Variants in ITGB3 observed in about 807,000 individuals in gnomAD.
The protein encoded by ITGB3 is integrin beta-3.
A neutral mutation model predicts 85.8 loss-of-function variants in ITGB3; 48 were observed. The ratio of observed to expected loss-of-function variants is 0.56; its 90% CI spans 0.44 to 0.71. The LOEUF (loss-of-function observed/expected upper bound fraction) is 0.71, where lower values mean the gene tolerates loss of function less well. Among genes scored for constraint, ITGB3 ranks in the 30% least tolerant of loss-of-function variants. ITGB3 has a pLI of 0.00. For missense variants in ITGB3, 861 were observed against 1,019.1 expected (o/e 0.84, Z 2.11); for synonymous variants, 363 against 395.6 (o/e 0.92, Z 0.98).
Position 47,283,364 on chromosome 17 carries a change from T to C in ITGB3, c.176T>C (p.Leu59Pro), listed in dbSNP as rs5918. ...CAWCSDEALPLGSPRCDLKEN... is the reference protein window; with the variant it reads ...CAWCSDEALPPGSPRCDLKEN... ...GCTCCTGTCTTACAGGCCCTGCCTC[T>C]GGGCTCACCTCGCTGTGACCTGAAG... The change falls in exon 3 of 15, where the codon CTG becomes CCG. Residue 59 changes from leucine (L) to proline (P), a missense_variant. Leu to Pro is a moderately conservative substitution (Grantham distance 98). Transcript: ENST00000559488. The C allele has an allele frequency of 0.14, 225,503 of 1,613,936 alleles. 16,971 individuals carry two copies. Among genetic ancestry groups the C allele is most frequent in the Non-Finnish European group, 0.15 (180,378 of 1,179,836 alleles).
At chr17:47,255,167 C>A (rs900334885) in intron 1 of ITGB3, among the ~76,000 whole-genome samples, 2 of 151,306 alleles carry the variant, frequency 1.3e-5, no homozygotes, top group Non-Finnish European at 1.5e-5. Flanking sequence ...TTAGTAGAGA[C>A]GCGGTTTCAC....
chr17:47,307,778 C>T (rs2065194865), intron 14 of ITGB3, 141 bp downstream of exon 14: 2 of 810,552 alleles, frequency 2.5e-6, no homozygotes, highest in South Asian at 2.9e-5. Context: ...GAGAGATGGT[C>T]TCACTATCCC....
chr17:47,300,023 C>T (rs2065160303), intron 11 of ITGB3, among the ~76,000 whole-genome samples: 1 of 152,142 alleles, frequency 6.6e-6, no homozygotes, highest in South Asian at 2.1e-4. Context: ...TGTATAGGGC[C>T]CTGTGCCTAC....
At chr17:47,290,928 G>A in intron 8 of ITGB3, 26 bp from the exon 9 acceptor site, 1 of 1,613,802 alleles carries the variant, frequency 6.2e-7, no homozygotes, top group Non-Finnish European at 8.5e-7. Flanking sequence ...TCAATTTCTT[G>A]TCTTCTTGTG....
chr17:47,263,045 A>G (rs2065013818), intron 1 of ITGB3, among the ~76,000 whole-genome samples: 1 of 152,184 alleles, frequency 6.6e-6, no homozygotes, highest in Non-Finnish European at 1.5e-5. Flanking sequence ...TCAAAGAGGC[A>G]CTGGGCCTTG....
Position 47,253,925 on chromosome 17 carries a change from G to A in ITGB3, c.64G>A (p.Gly22Ser). Residue 22 changes from glycine to serine, a missense_variant, in exon 1 of 15, where the codon GGC (glycine) becomes AGC (serine). Gly to Ser is a moderately conservative substitution (Grantham distance 56, BLOSUM62 0). Transcript: ENST00000559488. ...TGTGCTGGCGCTGGGGGCGCTGGCG[G>A]GCGTTGGCGTAGGAGGTGAGTGAGG... The part of the protein sequence containing the change: ...ATVLALGALA[G>S]VGVGGPNICT... The A allele has an allele frequency of 7.1e-7, 1 of 1,416,724 alleles. No individual in the cohort carries two copies. The highest frequency in any genetic ancestry group is 9.3e-7 in the Non-Finnish European group (1 of 1,079,406). 87.8% of individuals were successfully genotyped at this position (1,416,724 alleles called of 1,614,324 possible).
intron 9 of ITGB3, chr17:47,291,428 GTAAT>G: frequency 1.9e-6 from 1 of 523,934 alleles, no homozygotes; most frequent in East Asian, 3.1e-5. Context: ...CCTTTCCAAG[GTAAT>G]TAATACCTTT....
chr17:47,285,751 G>T (rs1324219849), intron 4 of ITGB3, among the ~76,000 whole-genome samples: 7 of 152,220 alleles, frequency 4.6e-5, no homozygotes, highest in Admixed American at 3.9e-4. Flanking sequence ...CTCCTGTCTT[G>T]CATGATCTAT....
At position 47,313,508 on chromosome 17, in the gene ITGB3, G is replaced by C. The variant is rs536468555; in HGVS notation, c.*3304G>C. 6.6e-6 allele frequency among the ~76,000 whole-genome samples: 1 copy of C among 151,546 alleles called. No homozygotes were observed. Among genetic ancestry groups the C allele is most frequent in the Non-Finnish European group, 1.5e-5 (1 of 67,910 alleles). On this transcript the variant is annotated 3_prime_UTR_variant, in exon 15 of 15. Transcript: ENST00000559488. ...ATTACAGGCACCTGCCACCACGCCC[G>C]GCTAATTTCTTTTTGTATTTTTAGT... is the stretch of plus-strand genomic sequence containing the variant.
At chr17:47,277,588 T>TA (rs2065068472) in intron 2 of ITGB3, among the ~76,000 whole-genome samples, 1 of 152,320 alleles carries the variant, frequency 6.6e-6, no homozygotes, top group Admixed American at 6.5e-5. Flanking sequence ...ATCCTGTCTC[T>TA]AAAAAATAAA....
At chr17:47,280,273 G>A (rs1456202524) in intron 2 of ITGB3, among the ~76,000 whole-genome samples, 2 of 152,216 alleles carry the variant, frequency 1.3e-5, no homozygotes, top group Admixed American at 6.5e-5. Flanking sequence ...CGTGGGGAAG[G>A]CTTCAGCCCA....
At chr17:47,265,007 G>A (rs1158404611) in intron 1 of ITGB3, among the ~76,000 whole-genome samples, 1 of 152,184 alleles carries the variant, frequency 6.6e-6, no homozygotes, top group East Asian at 1.9e-4. Flanking sequence ...TTATCAGTGT[G>A]TCTCCAGTGC....
chr17:47,256,715 C>T (rs6504799), intron 1 of ITGB3, among the ~76,000 whole-genome samples: 150,815 of 152,278 alleles, frequency 0.99, 74,692 homozygotes, highest in Middle Eastern at 1. Context: ...TCAAGTTTTT[C>T]ATTTTATGTA....
intron 12 of ITGB3, among the ~76,000 whole-genome samples, chr17:47,301,317 A>G (rs574584544): frequency 6.6e-6 from 1 of 152,264 alleles, no homozygotes; most frequent in East Asian, 1.9e-4. Context: ...ATAGATAGCA[A>G]TCTCCCATGA....
intron 10 of ITGB3, among the ~76,000 whole-genome samples, chr17:47,293,615 CTT>C (rs200767914): frequency 1.4e-5 from 2 of 144,844 alleles, no homozygotes. Flanking sequence ...CATTGGGGTT[CTT>C]TTTTTTTTTT....
rs1206054247 is a variant in ITGB3, at chr17:47,291,038, G to A, written c.1210G>A (p.Glu404Lys). Residue 404 changes from glutamate (E) to lysine (K), a missense_variant, in exon 9 of 15, where the codon GAG (glutamate) becomes AAG (lysine). Glu to Lys is a moderately conservative substitution (Grantham distance 56). Coordinates refer to ENST00000559488, the MANE Select transcript of ITGB3 (RefSeq NM_000212.3). ...CTTCAATGCCACCTGCCTCAACAAT[G>A]AGGTCATCCCTGGCCTCAAGTCTTG... The part of the protein sequence containing the change: ...LSFNATCLNN[E>K]VIPGLKSCMG... The A allele has an allele frequency of 3.7e-6, 6 of 1,614,064 alleles. No homozygotes were observed. Among genetic ancestry groups the A allele is most frequent in the Non-Finnish European group, 5.1e-6 (6 of 1,180,044 alleles).
At chr17:47,259,897 C>A (rs2065003254) in intron 1 of ITGB3, among the ~76,000 whole-genome samples, 1 of 152,142 alleles carries the variant, frequency 6.6e-6, no homozygotes, top group Non-Finnish European at 1.5e-5. Context: ...AAAACTCTGT[C>A]TCAAAAAACA....
intron 2 of ITGB3, among the ~76,000 whole-genome samples, chr17:47,281,702 C>T (rs2065084436): frequency 6.6e-6 from 1 of 152,136 alleles, no homozygotes; most frequent in Non-Finnish European, 1.5e-5. Flanking sequence ...GTGCCTGGCC[C>T]ATGTTCCCAA....
At chr17:47,280,288 AG>A (rs1431605120) in intron 2 of ITGB3, among the ~76,000 whole-genome samples, 1 of 152,154 alleles carries the variant, frequency 6.6e-6, no homozygotes, top group Admixed American at 6.5e-5. Flanking sequence ...AGCCCATGAA[AG>A]GGGGATCGGA....
Sources: allele counts gnomAD v4.1 joint callset (sites outside exome capture counted in the v4.1 genomes callset), GRCh38; gene constraint gnomAD v4.1.1; transcripts MANE v1.5; gene names NCBI Gene and HGNC (gene_info 2026-07-23, HGNC 2026-07-21).